CLIC4: variants seen among roughly 807,000 people sequenced by gnomAD.
CLIC4 encodes the protein chloride intracellular channel protein 4.
In CLIC4, 13 loss-of-function variants were observed where a neutral mutation model predicts 24.6. The observed-to-expected ratio is 0.53, with a 90% confidence interval of 0.34 to 0.84. The LOEUF (loss-of-function observed/expected upper bound fraction) is 0.84, where lower values mean the gene tolerates loss of function less well. Among genes scored for constraint, CLIC4 ranks in the 40% least tolerant of loss-of-function variants. CLIC4 has a pLI of 0.01. For missense variants in CLIC4, 227 were observed against 301.7 expected, an observed-to-expected ratio of 0.75 and a Z score of 1.83; for synonymous variants, 104 against 111.3, an observed-to-expected ratio of 0.93 and a Z score of 0.41.
At chr1:24,766,453 C>T (rs1052800400) in intron 1 of CLIC4, among the ~76,000 whole-genome samples, 31 of 56,858 alleles carry the variant, frequency 5.5e-4, no homozygotes, top group Non-Finnish European at 1.1e-3. Context: ...GATATCAGGT[C>T]TTGCTATGTT....
chr1:24,767,108 T>C (rs1639010940), intron 1 of CLIC4, among the ~76,000 whole-genome samples: 1 of 149,666 alleles, frequency 6.7e-6, no homozygotes, highest in South Asian at 2.1e-4. Flanking sequence ...TATGGATTTG[T>C]GTTGGGCTTC....
In CLIC4 at chr1:24,756,562, A is replaced by G. The variant is rs138242611; in HGVS notation, c.72+10937A>G. ...GAAAAGATTTAGTTCTCATTATAAT[A>G]TAGTTGTAAAAATGTCAATCACTTG... On this transcript the variant is annotated intron_variant, in intron 1 of 5. Transcript: ENST00000374379. 3.9e-5 allele frequency among the ~76,000 whole-genome samples: 6 copies of G among 152,338 alleles called. No individual in the cohort carries two copies. The East Asian group carries it at 1.2e-3, about 29-fold the overall frequency.
chr1:24,798,007 A>G, intron 2 of CLIC4, 156 bp downstream of exon 2: 1 of 579,306 alleles, frequency 1.7e-6, no homozygotes, highest in Non-Finnish European at 3.0e-6. Context: ...ACTATTTTGG[A>G]CAAGTCACGC....
intron 5 of CLIC4, 71 bp downstream of exon 5, chr1:24,840,112 G>C: frequency 7.1e-7 from 1 of 1,409,494 alleles, no homozygotes; most frequent in South Asian, 1.4e-5. Flanking sequence ...CATTTCCTTT[G>C]TGCTCAAAAC....
chr1:24,811,568 G>T (rs1011343548), intron 2 of CLIC4, among the ~76,000 whole-genome samples: 2 of 152,036 alleles, frequency 1.3e-5, no homozygotes, highest in Non-Finnish European at 2.9e-5. Flanking sequence ...GACCGCCTGG[G>T]CTCAACCAAT....
At chr1:24,751,280 G>C (rs1034404361) in intron 1 of CLIC4, among the ~76,000 whole-genome samples, 1 of 147,630 alleles carries the variant, frequency 6.8e-6, no homozygotes, top group African/African-American at 2.5e-5. Flanking sequence ...CACGATCTTG[G>C]CTCACTGCAA....
At position 24,790,429 on chromosome 1, in the gene CLIC4, AT is replaced by A. The variant is rs1425086095; in HGVS notation, c.73-7312del. Among the ~76,000 whole-genome samples the A allele has an allele frequency of 7.2e-5, 11 of 152,372 alleles. No homozygotes were observed. The East Asian group carries it at 1.9e-3, about 27-fold the overall frequency. On this transcript the variant is annotated intron_variant, in intron 1 of 5. Coordinates refer to ENST00000374379, the MANE Select transcript of CLIC4 (RefSeq NM_013943.3). Reference sequence around the variant, plus strand: ...GAATGTGATTTTAAGGAAAAGAAAAATAAATAAATAAATTTAATACTTCTGA... The same window carrying A: ...GAATGTGATTTTAAGGAAAAGAAAAAAAATAAATAAATTTAATACTTCTGA...
At chr1:24,803,893 C>T (rs1473718569) in intron 2 of CLIC4, among the ~76,000 whole-genome samples, 1 of 151,950 alleles carries the variant, frequency 6.6e-6, no homozygotes, top group East Asian at 1.9e-4. Context: ...TATTTAAAAT[C>T]AGGAGAAAAG....
intron 2 of CLIC4, among the ~76,000 whole-genome samples, chr1:24,812,139 T>C (rs989050800): frequency 1.3e-5 from 2 of 152,214 alleles, no homozygotes; most frequent in Non-Finnish European, 2.9e-5. Context: ...TTTTGACCCA[T>C]ACCTATTTGA....
chr1:24,773,402 T>C (rs901601616), intron 1 of CLIC4, among the ~76,000 whole-genome samples: 1 of 152,170 alleles, frequency 6.6e-6, no homozygotes, highest in African/African-American at 2.4e-5. Flanking sequence ...TATACTACAG[T>C]ATAATGTGTA....
chr1:24,839,363 T>A (rs369275170), intron 4 of CLIC4, among the ~76,000 whole-genome samples: 2 of 152,146 alleles, frequency 1.3e-5, no homozygotes, highest in African/African-American at 4.8e-5. Context: ...GCAGTGGTGC[T>A]ATCTCGGCTC....
At chr1:24,802,966 C>T (rs1639507230) in intron 2 of CLIC4, among the ~76,000 whole-genome samples, 1 of 152,156 alleles carries the variant, frequency 6.6e-6, no homozygotes, top group Non-Finnish European at 1.5e-5. Context: ...GCCTTGGTCT[C>T]CCAAAGTGCT....
At chr1:24,784,668 TGGTA>T (rs1639243215) in intron 1 of CLIC4, among the ~76,000 whole-genome samples, 1 of 152,184 alleles carries the variant, frequency 6.6e-6, no homozygotes, top group Non-Finnish European at 1.5e-5. Flanking sequence ...AGTAAGGAAA[TGGTA>T]GCAACCGAAG....
At chr1:24,786,840 G>A (rs886211985) in intron 1 of CLIC4, among the ~76,000 whole-genome samples, 6 of 151,770 alleles carry the variant, frequency 4.0e-5, no homozygotes, top group East Asian at 2.0e-4. Flanking sequence ...GGATGGTCTC[G>A]ATCTCCTGAC....
At chr1:24,757,738 A>T (rs767703743) in intron 1 of CLIC4, among the ~76,000 whole-genome samples, 29 of 152,178 alleles carry the variant, frequency 1.9e-4, no homozygotes, top group Non-Finnish European at 3.4e-4. Context: ...ACTGAAATGA[A>T]TTTTTTTCTT....
At chr1:24,789,233 A>G (rs377406703) in intron 1 of CLIC4, among the ~76,000 whole-genome samples, 1 of 152,308 alleles carries the variant, frequency 6.6e-6, no homozygotes, top group East Asian at 1.9e-4. Context: ...AAATATAGAA[A>G]CAGGCTGGGC....
At chr1:24,839,588 C>T (rs531278455) in intron 4 of CLIC4, among the ~76,000 whole-genome samples, 8 of 152,306 alleles carry the variant, frequency 5.3e-5, no homozygotes, top group South Asian at 2.1e-4. Flanking sequence ...CGTGAGCCAC[C>T]GCGCCCGGCC....
At chr1:24,746,591 A>AT (rs1557791419) in intron 1 of CLIC4, among the ~76,000 whole-genome samples, 1 of 152,230 alleles carries the variant, frequency 6.6e-6, no homozygotes, top group Non-Finnish European at 1.5e-5. Context: ...CCAGCCACTT[A>AT]AAAAGCCAGG....
At chr1:24,779,096 AT>A (rs944767911) in intron 1 of CLIC4, among the ~76,000 whole-genome samples, 3 of 152,256 alleles carry the variant, frequency 2.0e-5, no homozygotes, top group Non-Finnish European at 2.9e-5. Flanking sequence ...CATTAAAAAA[AT>A]AATTTTCTTA....
Sources: gnomAD v4.1 joint callset for allele counts (sites outside exome capture counted in the v4.1 genomes callset) on GRCh38, gnomAD v4.1.1 for gene constraint, MANE v1.5 for transcripts, NCBI Gene and HGNC (gene_info 2026-07-23, HGNC 2026-07-21) for gene names.